MATCAP2: variants seen among roughly 807,000 people sequenced by gnomAD.
The protein encoded by MATCAP2 is putative tyrosine carboxypeptidase MATCAP2.
the MATCAP2 span, chr7:36,356,588 T>C: frequency 1.9e-6 from 1 of 522,936 alleles, no homozygotes; most frequent in Non-Finnish European, 3.4e-6. Flanking sequence ...CACTTGTCTG[T>C]AGGCGGCTAA....
chr7:36,355,883 C>T, the MATCAP2 span: 1 of 152,164 alleles, frequency 6.6e-6, no homozygotes. Flanking sequence ...TAGCTAATTT[C>T]TTCTCAAATG....
chr7:36,379,378 A>G, the MATCAP2 span, among the ~76,000 whole-genome samples: 76,922 of 151,936 alleles, frequency 0.51, 19,712 homozygotes, highest in African/African-American at 0.54. Flanking sequence ...AAGAACCCAC[A>G]AGGTTTTATC....
At chr7:36,327,781 A>G in the MATCAP2 span, among the ~76,000 whole-genome samples, 79 of 152,358 alleles carry the variant, frequency 5.2e-4, no homozygotes, top group South Asian at 1.5e-3. Context: ...ATGCTCAACT[A>G]GTAAAGAATG....
chr7:36,366,420 C>T, the MATCAP2 span, among the ~76,000 whole-genome samples: 482 of 152,168 alleles, frequency 3.2e-3, 5 homozygotes, highest in African/African-American at 0.011. Flanking sequence ...TGGTATAATC[C>T]GTACTGTAAA....
chr7:36,374,165 A>G, the MATCAP2 span, among the ~76,000 whole-genome samples: 2 of 150,638 alleles, frequency 1.3e-5, no homozygotes, highest in Non-Finnish European at 3.0e-5. Context: ...TGCAGCCTCC[A>G]CCTACTGGGC....
the MATCAP2 span, among the ~76,000 whole-genome samples, chr7:36,346,042 T>C: frequency 3.1e-3 from 468 of 151,992 alleles, 2 homozygotes; most frequent in African/African-American, 0.011. Context: ...AAAGAGGATA[T>C]ACAAAATGGC....
the MATCAP2 span, chr7:36,367,087 G>A: frequency 8.0e-7 from 1 of 1,253,316 alleles, no homozygotes; most frequent in East Asian, 3.3e-5. Flanking sequence ...AGGATAAGGA[G>A]GGTAAGGGCG....
the MATCAP2 span, among the ~76,000 whole-genome samples, chr7:36,362,949 A>G: frequency 6.6e-6 from 1 of 152,204 alleles, no homozygotes; most frequent in African/African-American, 2.4e-5. Context: ...TTCGTCAACA[A>G]TGAAATTATA....
At chr7:36,379,113 C>G in the MATCAP2 span, among the ~76,000 whole-genome samples, 1 of 152,198 alleles carries the variant, frequency 6.6e-6, no homozygotes, top group African/African-American at 2.4e-5. Context: ...CACCCACTGT[C>G]CAACCAGTAC....
At chr7:36,389,092 T>A in the MATCAP2 span, among the ~76,000 whole-genome samples, 1 of 152,186 alleles carries the variant, frequency 6.6e-6, no homozygotes, top group Non-Finnish European at 1.5e-5. Context: ...TCTGGCTCTG[T>A]AGCCCAGGCT....
chr7:36,331,022 C>T, the MATCAP2 span: 1 of 1,613,732 alleles, frequency 6.2e-7, no homozygotes, highest in Non-Finnish European at 8.5e-7. Context: ...TATGGTATCT[C>T]TGTATCGGAG....
At chr7:36,355,230 G>T in the MATCAP2 span, 1 of 152,202 alleles carries the variant, frequency 6.6e-6, no homozygotes, top group Admixed American at 6.5e-5. Context: ...CTTTGTAGGT[G>T]CCAAGCACGA....
At chr7:36,355,159 A>T in the MATCAP2 span, 1 of 152,218 alleles carries the variant, frequency 6.6e-6, no homozygotes, top group Non-Finnish European at 1.5e-5. Flanking sequence ...CACACAAAAA[A>T]CCACATGTAA....
At chr7:36,384,915 C>T in the MATCAP2 span, among the ~76,000 whole-genome samples, 88 of 151,364 alleles carry the variant, frequency 5.8e-4, no homozygotes, top group African/African-American at 2.0e-3. Context: ...CTAGGTTATT[C>T]GGAGAGGCAG....
the MATCAP2 span, among the ~76,000 whole-genome samples, chr7:36,353,094 C>CG: frequency 6.6e-6 from 1 of 151,806 alleles, no homozygotes; most frequent in Non-Finnish European, 1.5e-5. Context: ...CATAGTGAGA[C>CG]CCCCCCACCT....
chr7:36,357,627 CAA>C, the MATCAP2 span: 2 of 1,469,174 alleles, frequency 1.4e-6, no homozygotes. Flanking sequence ...AAAGAAATAA[CAA>C]AGATACCAGA....
chr7:36,353,238 C>A, the MATCAP2 span, among the ~76,000 whole-genome samples: 1 of 151,746 alleles, frequency 6.6e-6, no homozygotes, highest in Non-Finnish European at 1.5e-5. Flanking sequence ...ATGATCACAC[C>A]CCAGCTCTCC....
chr7:36,365,686 G>A, the MATCAP2 span, among the ~76,000 whole-genome samples: 2 of 152,224 alleles, frequency 1.3e-5, no homozygotes, highest in African/African-American at 2.4e-5. Context: ...GCGACAGAGC[G>A]AGACTCCGTC....
chr7:36,379,485 T>C, the MATCAP2 span, among the ~76,000 whole-genome samples: 4 of 152,334 alleles, frequency 2.6e-5, no homozygotes, highest in Admixed American at 1.3e-4. Context: ...TGTGTATATA[T>C]ACATAAAGAT....
Sources: allele counts gnomAD v4.1 joint callset (sites outside exome capture counted in the v4.1 genomes callset), GRCh38; gene constraint gnomAD v4.1.1; transcripts MANE v1.5; gene names NCBI Gene and HGNC (gene_info 2026-07-23, HGNC 2026-07-21).